Variants in SLC1A3 observed in about 807,000 individuals in gnomAD.
SLC1A3 encodes solute carrier family 1 member 3, also known as excitatory amino acid transporter 1.
A neutral mutation model predicts 48.1 loss-of-function variants in SLC1A3; 21 were observed. The ratio of observed to expected loss-of-function variants is 0.44; its 90% confidence interval spans 0.31 to 0.63. The LOEUF (loss-of-function observed/expected upper bound fraction) is 0.63, where lower values mean the gene tolerates loss of function less well. Ranked by LOEUF, SLC1A3 falls within the 20% of genes least tolerant of loss-of-function variation. The pLI, the probability that SLC1A3 is intolerant of heterozygous loss-of-function variation, is 0.08. For synonymous variants in SLC1A3, 239 were observed against 251.4 expected (o/e 0.95, Z 0.47); for missense variants, 546 against 689.0 (o/e 0.79, Z 2.32).
intron 2 of SLC1A3, among the ~76,000 whole-genome samples, chr5:36,626,716 A>G (rs561829419): frequency 2.4e-4 from 37 of 152,376 alleles, no homozygotes; most frequent in Middle Eastern, 6.8e-3. Flanking sequence ...TAAAGCACTT[A>G]TCTTTGTGTG....
chr5:36,602,563 T>C (rs1738820206), upstream of SLC1A3, among the ~76,000 whole-genome samples: 1 of 152,236 alleles, frequency 6.6e-6, no homozygotes, highest in African/African-American at 2.4e-5. Context: ...TAATAATTGA[T>C]AACAATAACA....
intron 1 of SLC1A3, among the ~76,000 whole-genome samples, chr5:36,597,228 C>T (rs530331492): frequency 1.0e-5 from 1 of 98,304 alleles, no homozygotes; most frequent in East Asian, 3.0e-4. Context: ...ACTTCTTCTT[C>T]CTTTCTTTTT....
intron 3 of SLC1A3, among the ~76,000 whole-genome samples, chr5:36,661,260 A>T (rs1741503338): frequency 6.6e-6 from 1 of 152,120 alleles, no homozygotes; most frequent in East Asian, 1.9e-4. Context: ...AAAAATACAA[A>T]AATTAGCCAA....
At chr5:36,657,538 C>T (rs147088914) in intron 3 of SLC1A3, among the ~76,000 whole-genome samples, 13 of 152,308 alleles carry the variant, frequency 8.5e-5, no homozygotes, top group Middle Eastern at 3.4e-3. Flanking sequence ...CTTTAATCAA[C>T]GACTCAACAA....
chr5:36,635,892 T>C (rs1228148681), intron 3 of SLC1A3: 2 of 152,144 alleles, frequency 1.3e-5, no homozygotes. Flanking sequence ...GCCTGCTTCA[T>C]TGTCTCTCTA....
chr5:36,652,079 G>C (rs918970598), intron 3 of SLC1A3, among the ~76,000 whole-genome samples: 1 of 152,172 alleles, frequency 6.6e-6, no homozygotes, highest in Non-Finnish European at 1.5e-5. Flanking sequence ...GCTTTGCCAT[G>C]CTTTTCCTGG....
chr5:36,662,398 C>T (rs570366593), intron 3 of SLC1A3, among the ~76,000 whole-genome samples: 6 of 152,318 alleles, frequency 3.9e-5, no homozygotes, highest in African/African-American at 1.4e-4. Context: ...AGAGGACAGT[C>T]ATTCCTTTGT....
intron 1 of SLC1A3, among the ~76,000 whole-genome samples, chr5:36,597,999 A>G (rs1189818043): frequency 2.6e-5 from 4 of 152,168 alleles, no homozygotes; most frequent in South Asian, 4.1e-4. Context: ...GAGGACTGCC[A>G]CGATTTTGCC....
At chr5:36,655,410 T>C (rs189592395) in intron 3 of SLC1A3, among the ~76,000 whole-genome samples, 1 of 152,228 alleles carries the variant, frequency 6.6e-6, no homozygotes, top group African/African-American at 2.4e-5. Context: ...TCGTGTTGCA[T>C]GTTACTTCAC....
chr5:36,603,605 G>A (rs1341976332), upstream of SLC1A3, among the ~76,000 whole-genome samples: 2 of 151,746 alleles, frequency 1.3e-5, no homozygotes, highest in Admixed American at 6.6e-5. Flanking sequence ...AGGTTTTTTT[G>A]TTGTTCTGCT....
chr5:36,677,218 C>G lies in SLC1A3; in HGVS notation c.860+34C>G, dbSNP rs367983180. 2.5e-6 allele frequency: 4 copies of G among 1,572,112 alleles called. No individual in the cohort carries two copies. The Admixed American group carries it at 6.7e-5, about 26-fold the overall frequency. ...TTCCATTTTCTATATATGTTATATA[C>G]GAGATGGTTATTGCCATCAACATGT... On this transcript the variant is annotated intron_variant, in intron 6 of 9. Transcript: ENST00000265113.
At chr5:36,637,183 G>C (rs567180311) in intron 3 of SLC1A3, among the ~76,000 whole-genome samples, 2 of 152,294 alleles carry the variant, frequency 1.3e-5, no homozygotes, top group East Asian at 3.9e-4. Flanking sequence ...CATGTGACTG[G>C]GTAGGGACAG....
intron 3 of SLC1A3, among the ~76,000 whole-genome samples, chr5:36,637,155 T>A (rs1323974718): frequency 3.3e-5 from 5 of 152,190 alleles, no homozygotes; most frequent in Admixed American, 1.3e-4. Flanking sequence ...CCAGAGCTGA[T>A]CCTGGTGCTC....
At position 36,680,559 on chromosome 5, in the gene SLC1A3, A is replaced by G. The variant is rs745942837; in HGVS notation, c.1259A>G (p.Glu420Gly). 9.3e-5 allele frequency: 150 copies of G among 1,614,068 alleles called. No individual in the cohort carries two copies. Among genetic ancestry groups the G allele is most frequent in the Non-Finnish European group, 1.2e-4 (145 of 1,180,008 alleles). The change falls in exon 8 of 10, where the codon GAA becomes GGA. Residue 420 changes from glutamate (E) to glycine (G), a missense_variant. Around this residue, in one of 3 missense-constraint regions of SLC1A3, gnomAD observed 142 missense variants for 238.0 expected, o/e 0.60. Coordinates refer to ENST00000265113, the MANE Select transcript of SLC1A3 (RefSeq NM_004172.5). ...AIFIAQVNNFELNFGQIITIS... is the reference protein window; with the variant it reads ...AIFIAQVNNFGLNFGQIITIS... ...TTCATTGCTCAAGTTAACAACTTTGAACTGAACTTCGGACAAATTATTACA... is the reference window on the plus strand; with the variant it reads ...TTCATTGCTCAAGTTAACAACTTTGGACTGAACTTCGGACAAATTATTACA...
chr5:36,667,543 G>A (rs1033690363), intron 3 of SLC1A3, among the ~76,000 whole-genome samples: 9 of 152,192 alleles, frequency 5.9e-5, no homozygotes, highest in Admixed American at 2.6e-4. Context: ...TTTATTAGCT[G>A]TGCAATGCCG....
chr5:36,684,131 T>C, intron 9 of SLC1A3, 133 bp downstream of exon 9: 1 of 1,149,506 alleles, frequency 8.7e-7, no homozygotes, highest in Admixed American at 1.7e-5. Flanking sequence ...AGTTAAATTG[T>C]CCTTATTGTC....
At position 36,683,850 on chromosome 5, in the gene SLC1A3, AC is replaced by A; in HGVS notation, c.1290-13del. 1 of 1,614,152 alleles carries A rather than the reference AC, an allele frequency of 6.2e-7. No homozygotes were observed. The highest frequency in any genetic ancestry group is 1.7e-4 in the Middle Eastern group (1 of 6,060). On this transcript the variant is annotated splice_polypyrimidine_tract_variant and intron_variant, in intron 8 of 9. Coordinates refer to ENST00000265113, the MANE Select transcript of SLC1A3 (RefSeq NM_004172.5). The stretch of plus-strand genomic sequence containing the variant: ...TTGTAAAAGTGTTTTCTGTTCTGGT[AC>A]TTCTGTTAACAGCATCACAGCCACA...
intron 5 of SLC1A3, 31 bp downstream of exon 5, chr5:36,674,122 T>C: frequency 6.3e-7 from 1 of 1,588,806 alleles, no homozygotes; most frequent in Middle Eastern, 1.7e-4. Context: ...AACTTGCCTT[T>C]TAAATTCCTC....
At chr5:36,613,894 A>T (rs189341418) in intron 2 of SLC1A3, among the ~76,000 whole-genome samples, 8 of 152,254 alleles carry the variant, frequency 5.3e-5, no homozygotes, top group African/African-American at 1.9e-4. Context: ...GGGGGAAAAA[A>T]AATACAGAAA....
Sources: allele counts gnomAD v4.1 joint callset (sites outside exome capture counted in the v4.1 genomes callset), GRCh38; gene constraint gnomAD v4.1.1; regional missense constraint gnomAD v4.1.1; transcripts MANE v1.5; gene names NCBI Gene and HGNC (gene_info 2026-07-23, HGNC 2026-07-21).